CCNH: variants seen among roughly 807,000 people sequenced by gnomAD.
The protein encoded by CCNH is cyclin H.
A neutral mutation model predicts 41.9 loss-of-function variants in CCNH; 31 were observed. The observed-to-expected ratio is 0.74, with a 90% CI of 0.56 to 1.00. The LOEUF (loss-of-function observed/expected upper bound fraction) is 1.00. Among genes scored for constraint, CCNH ranks in the 50% least tolerant of loss-of-function variants. The pLI is 0.00. For missense variants in CCNH, 362 were observed against 388.4 expected (o/e 0.93, Z 0.57); for synonymous variants, 138 against 136.1 (o/e 1.01, Z -0.10).
chr5:87,412,866 AC>A lies in CCNH; in HGVS notation c.-73del. 6.4e-7 allele frequency: 1 copy of A among 1,569,610 alleles called. No homozygotes were observed. Among genetic ancestry groups the A allele is most frequent in the Non-Finnish European group, 8.7e-7 (1 of 1,152,296 alleles). On this transcript the variant is annotated 5_prime_UTR_variant, in exon 1 of 9. Coordinates refer to ENST00000256897, the MANE Select transcript of CCNH (RefSeq NM_001239.4). ...ACGCATCAGCGTCCTGGCGTAAAAC[AC>A]CCGTACCCCCACCGAAGATCTCGCG...
At chr5:87,394,915 G>A in intron 8 of CCNH, 129 bp downstream of exon 8, 1 of 1,533,806 alleles carries the variant, frequency 6.5e-7, no homozygotes. Flanking sequence ...ACGTAAGGAA[G>A]TATGCAAAAA....
chr5:87,360,911 A>T (rs1760039289), intron 9 of CCNH, among the ~76,000 whole-genome samples: 1 of 152,186 alleles, frequency 6.6e-6, no homozygotes, highest in South Asian at 2.1e-4. Flanking sequence ...TGAGCAGAAA[A>T]TAAAGAGTTC....
intron 9 of CCNH, among the ~76,000 whole-genome samples, chr5:87,364,546 G>C (rs1384725183): frequency 1.3e-5 from 2 of 151,912 alleles, no homozygotes; most frequent in Non-Finnish European, 2.9e-5. Context: ...ACCTCATAAA[G>C]AGTTGTTCCA....
intron 9 of CCNH, among the ~76,000 whole-genome samples, chr5:87,347,176 C>T (rs1580321407): frequency 6.6e-6 from 1 of 151,966 alleles, no homozygotes; most frequent in South Asian, 2.1e-4. Context: ...CCATAATTAA[C>T]TAGTCTTCAG....
At position 87,338,536 on chromosome 5, in the gene CCNH, A is replaced by ATATATATATATT; in HGVS notation, c.*91-19640_*91-19639insAATATATATATA. ...ATATATATATATATATATATATAAA[A>ATATATATATATT]TTTTTTTTTTTTTTAAGTAGAAATG... On this transcript the variant is annotated intron_variant and NMD_transcript_variant, in intron 9 of 9. Coordinates refer to the CCNH transcript ENST00000645953. 2.6e-3 allele frequency among the ~76,000 whole-genome samples: 221 copies of ATATATATATATT among 85,178 alleles called. 8 individuals are homozygous for ATATATATATATT. Among genetic ancestry groups the ATATATATATATT allele is most frequent in the South Asian group, 4.7e-3 (12 of 2,554 alleles). The allele number at this position is 85,178 out of a possible 152,430, so 55.9% of individuals were successfully genotyped here.
intron 9 of CCNH, among the ~76,000 whole-genome samples, chr5:87,360,650 G>A (rs1013593570): frequency 1.3e-5 from 2 of 152,098 alleles, no homozygotes; most frequent in Non-Finnish European, 2.9e-5. Flanking sequence ...AAATTTTGAT[G>A]TACATACAAA....
intron 4 of CCNH, 131 bp from the exon 5 acceptor site, chr5:87,405,138 GACA>G: frequency 1.6e-6 from 1 of 615,478 alleles, no homozygotes; most frequent in East Asian, 2.9e-5. Context: ...CACAGTAATT[GACA>G]CTGTCCTCAA....
chr5:87,393,462 C>CTT (rs1762670690), downstream of CCNH: 1 of 152,152 alleles, frequency 6.6e-6, no homozygotes, highest in African/African-American at 2.4e-5. Context: ...GAAACTGGCA[C>CTT]TTAGAGGTTT....
At chr5:87,356,001 T>C (rs922664006) in intron 9 of CCNH, among the ~76,000 whole-genome samples, 15 of 152,358 alleles carry the variant, frequency 9.8e-5, no homozygotes, top group Admixed American at 3.9e-4. Context: ...GAGGAGTTGC[T>C]TGTTACGGAT....
intron 3 of CCNH, chr5:87,409,083 C>G (rs3093787): frequency 0.026 from 9,270 of 354,534 alleles, 233 homozygotes; most frequent in African/African-American, 0.074. Context: ...CTGAAGTTCA[C>G]ATACCATCAG....
upstream of CCNH, chr5:87,380,745 A>C (rs988733567): frequency 4.1e-5 from 31 of 756,318 alleles, no homozygotes; most frequent in African/African-American, 3.1e-4. Context: ...GATGGCTCCT[A>C]AACTGAAAGT....
intron 9 of CCNH, among the ~76,000 whole-genome samples, chr5:87,327,445 G>A (rs1011948309): frequency 2.6e-5 from 4 of 152,142 alleles, no homozygotes; most frequent in Admixed American, 1.3e-4. Context: ...TGATGGTAAC[G>A]ACATAAAAAA....
intron 9 of CCNH, among the ~76,000 whole-genome samples, chr5:87,326,445 C>T (rs895935667): frequency 6.6e-6 from 1 of 152,086 alleles, no homozygotes; most frequent in Non-Finnish European, 1.5e-5. Context: ...TCCATATCTA[C>T]CTGTAAGATT....
chr5:87,315,050 A>G (rs1317227084), downstream of CCNH, among the ~76,000 whole-genome samples: 2 of 152,212 alleles, frequency 1.3e-5, no homozygotes, highest in African/African-American at 2.4e-5. Context: ...TATGTAAAGT[A>G]TAAAGAGTTT....
At chr5:87,341,857 C>T (rs1233193838) in intron 9 of CCNH, among the ~76,000 whole-genome samples, 1 of 152,096 alleles carries the variant, frequency 6.6e-6, no homozygotes, top group Non-Finnish European at 1.5e-5. Context: ...TTCAGTACAA[C>T]ATTTTTTCTT....
downstream of CCNH, among the ~76,000 whole-genome samples, chr5:87,314,094 A>AC (rs1277909054): frequency 5.9e-5 from 9 of 152,046 alleles, no homozygotes; most frequent in African/African-American, 2.2e-4. Flanking sequence ...AATCGCTTGA[A>AC]CCCGGGACGT....
chr5:87,375,176 G>A (rs1761237970), downstream of CCNH, among the ~76,000 whole-genome samples: 1 of 152,102 alleles, frequency 6.6e-6, no homozygotes, highest in Non-Finnish European at 1.5e-5. Flanking sequence ...TTTCTCCAAT[G>A]AATAGGAAGA....
intron 9 of CCNH, among the ~76,000 whole-genome samples, chr5:87,366,983 G>T (rs560706999): frequency 6.6e-6 from 1 of 152,360 alleles, no homozygotes; most frequent in South Asian, 2.1e-4. Flanking sequence ...GGATGTTGCA[G>T]TGAGCTGACT....
At chr5:87,331,546 G>T (rs1419462430) in intron 9 of CCNH, 1 of 1,585,102 alleles carries the variant, frequency 6.3e-7, no homozygotes, top group Admixed American at 1.7e-5. Context: ...TAGCTATTTT[G>T]ATATAATATT....
Sources: gnomAD v4.1 joint callset for allele counts (sites outside exome capture counted in the v4.1 genomes callset) on GRCh38, gnomAD v4.1.1 for gene constraint, MANE v1.5 for transcripts, NCBI Gene and HGNC (gene_info 2026-07-23, HGNC 2026-07-21) for gene names.